The following PRSS23 variants were observed in gnomAD, a reference collection of about 807,000 sequenced individuals.
PRSS23 encodes the protein serine protease 23.
A neutral mutation model predicts 34.7 loss-of-function variants in PRSS23; 25 were observed. The observed-to-expected ratio is 0.72, with a 90% CI of 0.53 to 1.01. The LOEUF (loss-of-function observed/expected upper bound fraction) is 1.01, where lower values mean the gene tolerates loss of function less well. Among genes scored for constraint, PRSS23 ranks in the 50% least tolerant of loss-of-function variants. The pLI, the probability that PRSS23 is intolerant of heterozygous loss-of-function variation, is 0.00. For missense variants in PRSS23, 445 were observed against 475.6 expected (o/e 0.94, Z 0.60); for synonymous variants, 176 against 186.6 (o/e 0.94, Z 0.46).
intron 2 of PRSS23, among the ~76,000 whole-genome samples, chr11:86,893,993 G>T (rs1948858444): frequency 6.6e-6 from 1 of 152,110 alleles, no homozygotes; most frequent in Non-Finnish European, 1.5e-5. Context: ...GACAGAATTT[G>T]TCTTCCGTTT....
chr11:86,859,683 A>G (rs528188027), intron 2 of PRSS23, among the ~76,000 whole-genome samples: 1 of 151,996 alleles, frequency 6.6e-6, no homozygotes, highest in Admixed American at 6.6e-5. Flanking sequence ...TATTACTCCC[A>G]ATATCCCAGA....
At chr11:86,794,911 G>A (rs12807836) in intron 1 of PRSS23, among the ~76,000 whole-genome samples, 10,267 of 152,068 alleles carry the variant, frequency 0.068, 399 homozygotes, top group Middle Eastern at 0.11. Flanking sequence ...GGTTCAATAG[G>A]TAATTGTTCA....
intron 2 of PRSS23, among the ~76,000 whole-genome samples, chr11:86,840,165 A>G (rs1281226743): frequency 6.6e-6 from 1 of 152,224 alleles, no homozygotes; most frequent in Non-Finnish European, 1.5e-5. Flanking sequence ...CAAATTGGAT[A>G]AAGAGTCAAG....
chr11:86,952,615 T>A (rs1949304434), exon 3 of PRSS23: 1 of 820,180 alleles, frequency 1.2e-6, no homozygotes, highest in Admixed American at 2.2e-5. Flanking sequence ...GTCTGTTTAC[T>A]CTGACCTCAA....
intron 2 of PRSS23, among the ~76,000 whole-genome samples, chr11:86,844,075 T>C (rs573195479): frequency 2.7e-4 from 41 of 152,348 alleles, no homozygotes; most frequent in Admixed American, 1.3e-4. Context: ...CATTGAATAC[T>C]ATGCAGCCAT....
intron 2 of PRSS23, among the ~76,000 whole-genome samples, chr11:86,830,765 A>G (rs1948348412): frequency 6.6e-6 from 1 of 152,124 alleles, no homozygotes; most frequent in Admixed American, 6.5e-5. Context: ...CTTTAACATT[A>G]TTTGTAATAT....
chr11:86,940,450 TCTG>T (rs1949200085), intron 2 of PRSS23, among the ~76,000 whole-genome samples: 1 of 152,138 alleles, frequency 6.6e-6, no homozygotes, highest in South Asian at 2.1e-4. Context: ...TTTCCATCTC[TCTG>T]CTACCACCTT....
chr11:86,870,995 TA>T (rs1345800250), intron 2 of PRSS23, among the ~76,000 whole-genome samples: 2 of 152,242 alleles, frequency 1.3e-5, no homozygotes, highest in Non-Finnish European at 1.5e-5. Flanking sequence ...GGACTATTTA[TA>T]TTGACAATTT....
chr11:86,951,676 A>G, exon 3 of PRSS23: 1 of 1,614,182 alleles, frequency 6.2e-7, no homozygotes. Flanking sequence ...TCAAGATGAC[A>G]ATGGTTTTCA....
intron 2 of PRSS23, chr11:86,833,291 T>A (rs2134892274): frequency 6.5e-7 from 1 of 1,541,274 alleles, no homozygotes; most frequent in Admixed American, 1.7e-5. Flanking sequence ...TACATGGGGG[T>A]GTGGAGGTGG....
intron 2 of PRSS23, chr11:86,909,686 G>C (rs1313484150): frequency 6.6e-6 from 1 of 152,178 alleles, no homozygotes; most frequent in Non-Finnish European, 1.5e-5. Context: ...CTGAAGAACA[G>C]GTGTGTAGTA....
Position 86,800,598 on chromosome 11 carries a change from A to C in PRSS23, c.-67A>C. Reference sequence around the variant, plus strand: ...AGCCGCGCGCTCTCTCCCGGCGCCCACACCTGTCTGAGCGGCGCAGCGAGC... The same window carrying C: ...AGCCGCGCGCTCTCTCCCGGCGCCCCCACCTGTCTGAGCGGCGCAGCGAGC... On this transcript the variant is annotated 5_prime_UTR_variant, in exon 1 of 2. Transcript: ENST00000280258. The C allele has an allele frequency of 1.0e-6, 1 of 984,954 alleles. No homozygotes were observed. The highest frequency in any genetic ancestry group is 1.2e-6 in the Non-Finnish European group (1 of 829,792). The allele number at this position is 984,954 out of a possible 1,614,324, so 61.0% of individuals were successfully genotyped here.
At chr11:86,881,480 A>G (rs1948771920) in intron 2 of PRSS23, among the ~76,000 whole-genome samples, 1 of 152,112 alleles carries the variant, frequency 6.6e-6, no homozygotes, top group Non-Finnish European at 1.5e-5. Context: ...TTTTTAAAAT[A>G]TATGGCTGAA....
chr11:86,952,162 C>T, exon 3 of PRSS23: 2 of 1,612,258 alleles, frequency 1.2e-6, no homozygotes, highest in South Asian at 1.1e-5. Flanking sequence ...GCACACAGTT[C>T]AGGCTCCTTT....
At chr11:86,822,726 A>G (rs1329093617) in intron 1 of PRSS23, among the ~76,000 whole-genome samples, 1 of 152,084 alleles carries the variant, frequency 6.6e-6, no homozygotes, top group Non-Finnish European at 1.5e-5. Flanking sequence ...AGGACTGTCC[A>G]GGAATGGGAT....
chr11:86,907,434 A>G (rs763146408), intron 2 of PRSS23, among the ~76,000 whole-genome samples: 1 of 152,016 alleles, frequency 6.6e-6, no homozygotes, highest in Non-Finnish European at 1.5e-5. Flanking sequence ...AAATTGTGGT[A>G]AGAGCACTTA....
chr11:86,803,635 T>G (rs898589043), intron 1 of PRSS23, among the ~76,000 whole-genome samples: 1 of 152,164 alleles, frequency 6.6e-6, no homozygotes, highest in Non-Finnish European at 1.5e-5. Context: ...AGACCCTTAA[T>G]GGACAGGAGG....
intron 2 of PRSS23, among the ~76,000 whole-genome samples, chr11:86,851,915 G>A (rs185721982): frequency 1.3e-3 from 195 of 152,254 alleles, no homozygotes; most frequent in South Asian, 3.9e-3. Flanking sequence ...CCATTGGTGG[G>A]GGGGAAGCAA....
intron 2 of PRSS23, among the ~76,000 whole-genome samples, chr11:86,917,796 C>G (rs1195384102): frequency 6.6e-6 from 1 of 152,128 alleles, no homozygotes; most frequent in Non-Finnish European, 1.5e-5. Flanking sequence ...GTATTGGAAG[C>G]CTTCCACAGT....
Sources: gnomAD v4.1 joint callset for allele counts (sites outside exome capture counted in the v4.1 genomes callset) on GRCh38, gnomAD v4.1.1 for gene constraint, MANE v1.5 for transcripts, NCBI Gene and HGNC (gene_info 2026-07-23, HGNC 2026-07-21) for gene names.